SMOC2: variants seen among roughly 807,000 people sequenced by gnomAD.
The protein encoded by SMOC2 is SPARC-related modular calcium-binding protein 2.
A neutral mutation model predicts 61.4 loss-of-function variants in SMOC2; 39 were observed. The ratio of observed to expected loss-of-function variants is 0.64; its 90% CI spans 0.49 to 0.83. The LOEUF (loss-of-function observed/expected upper bound fraction) is 0.83. Ranked by LOEUF, SMOC2 falls within the 40% of genes least tolerant of loss-of-function variation. The pLI, the probability that SMOC2 is intolerant of heterozygous loss-of-function variation, is 0.00. For synonymous variants in SMOC2, 247 were observed against 239.9 expected (o/e 1.03, Z -0.27); for missense variants, 556 against 592.9 (o/e 0.94, Z 0.65).
intron 1 of SMOC2, among the ~76,000 whole-genome samples, chr6:168,503,387 G>T (rs567313093): frequency 8.5e-5 from 13 of 152,194 alleles, no homozygotes; most frequent in Non-Finnish European, 1.6e-4. Context: ...CACCTTGCTT[G>T]TTTTCTAAAT....
In SMOC2 at chr6:168,592,287, GTGGAGCTCCTCCTCCTCCCTGAGGCCTCA is replaced by G. The variant is rs879256777; in HGVS notation, c.638-6530_638-6502del. On this transcript the variant is annotated intron_variant, in intron 7 of 12. Coordinates refer to ENST00000356284, the MANE Select transcript of SMOC2 (RefSeq NM_001166412.2). The stretch of plus-strand genomic sequence containing the variant: ...CTCACGGGCATCTTTCTAGAGGATC[GTGGAGCTCCTCCTCCTCCCTGAGGCCTCA>G]CGGGCGTCTTTCTAGAGGATCTCCG... Among the ~76,000 whole-genome samples, 103 of 140,694 alleles carry G rather than the reference GTGGAGCTCCTCCTCCTCCCTGAGGCCTCA, an allele frequency of 7.3e-4. 19 individuals carry two copies. The highest frequency in any genetic ancestry group is 1.4e-3 in the South Asian group (6 of 4,304). 92.3% of individuals were successfully genotyped at this position (140,694 alleles called of 152,430 possible). A position where few individuals can be genotyped will look rare whatever the true frequency, so the allele number is the denominator to read the frequency against.
intron 9 of SMOC2, among the ~76,000 whole-genome samples, chr6:168,649,716 C>T (rs576019194): frequency 6.6e-6 from 1 of 152,162 alleles, no homozygotes; most frequent in African/African-American, 2.4e-5. Flanking sequence ...GGTGGGGCTC[C>T]TACCTCTTGC....
intron 9 of SMOC2, among the ~76,000 whole-genome samples, chr6:168,609,230 G>A (rs554241034): frequency 5.9e-5 from 9 of 152,304 alleles, no homozygotes; most frequent in East Asian, 3.9e-4. Flanking sequence ...GGTAAACACC[G>A]TGCAGCTCAC....
intron 8 of SMOC2, among the ~76,000 whole-genome samples, chr6:168,599,987 ACT>A (rs1785496808): frequency 6.7e-6 from 1 of 149,956 alleles, no homozygotes; most frequent in African/African-American, 2.5e-5. Flanking sequence ...CCACACACAC[ACT>A]CACACACAGT....
intron 2 of SMOC2, among the ~76,000 whole-genome samples, chr6:168,511,291 A>G (rs891229502): frequency 6.6e-6 from 1 of 152,226 alleles, no homozygotes; most frequent in African/African-American, 2.4e-5. Context: ...ATTGACTCAT[A>G]GTTCTGCACA....
chr6:168,455,678 A>G (rs1002011080), intron 1 of SMOC2, among the ~76,000 whole-genome samples: 6 of 152,222 alleles, frequency 3.9e-5, no homozygotes, highest in Non-Finnish European at 8.8e-5. Context: ...TGTCACTCAA[A>G]ATTACTGATG....
chr6:168,477,418 T>C (rs1477461619), intron 1 of SMOC2, among the ~76,000 whole-genome samples: 2 of 152,218 alleles, frequency 1.3e-5, no homozygotes, highest in Non-Finnish European at 2.9e-5. Context: ...AGTCATTACA[T>C]GTGTGTTTAA....
At chr6:168,557,570 G>T (rs1031921333) in intron 7 of SMOC2, among the ~76,000 whole-genome samples, 1 of 151,956 alleles carries the variant, frequency 6.6e-6, no homozygotes. Context: ...TGAAAGAAGG[G>T]GTATTTGCCT....
intron 1 of SMOC2, among the ~76,000 whole-genome samples, chr6:168,504,793 C>T (rs2763229): frequency 0.31 from 47,408 of 152,040 alleles, 8,094 homozygotes; most frequent in Non-Finnish European, 0.4. Context: ...TCCCATCCTC[C>T]TGGAGGCTGG....
chr6:168,615,860 T>A (rs1190178811), intron 9 of SMOC2, among the ~76,000 whole-genome samples: 5 of 151,818 alleles, frequency 3.3e-5, no homozygotes, highest in Admixed American at 3.3e-4. Context: ...AACACCTGGA[T>A]TTTTCAGACA....
At chr6:168,477,631 G>A (rs1258614934) in intron 1 of SMOC2, among the ~76,000 whole-genome samples, 1 of 152,156 alleles carries the variant, frequency 6.6e-6, no homozygotes, top group Non-Finnish European at 1.5e-5. Context: ...ATGAAGCAGG[G>A]TTGTTTCTTA....
chr6:168,569,772 T>C (rs1784623571), intron 7 of SMOC2, among the ~76,000 whole-genome samples: 1 of 152,196 alleles, frequency 6.6e-6, no homozygotes, highest in Admixed American at 6.5e-5. Context: ...CAGATGTGTG[T>C]TCTGTAAATA....
chr6:168,657,554 C>G (rs1787358440), intron 11 of SMOC2, among the ~76,000 whole-genome samples: 1 of 152,234 alleles, frequency 6.6e-6, no homozygotes, highest in African/African-American at 2.4e-5. Context: ...CTGAGCACTT[C>G]TCTCTTACTG....
At chr6:168,614,516 G>GA (rs1785999261) in intron 9 of SMOC2, among the ~76,000 whole-genome samples, 1 of 62,310 alleles carries the variant, frequency 1.6e-5, no homozygotes, top group African/African-American at 7.3e-5. Flanking sequence ...GCCAGCACAG[G>GA]GCCTCTTCAC....
chr6:168,544,042 A>G lies in SMOC2; in HGVS notation c.511+370A>G, dbSNP rs1317791914. Reference sequence around the variant, plus strand: ...TGAGGACCCTGATAAAGATGCCTCAACTCCTCCCTACAAGGAGGAAGAGGA... The same window carrying G: ...TGAGGACCCTGATAAAGATGCCTCAGCTCCTCCCTACAAGGAGGAAGAGGA... On this transcript the variant is annotated intron_variant, in intron 5 of 12. Transcript: ENST00000356284. The surrounding 1 kb of genome is among the most constrained non-coding windows in gnomAD (Gnocchi z 4.1). 1.3e-5 allele frequency among the ~76,000 whole-genome samples: 2 copies of G among 151,034 alleles called. No homozygotes were observed. The highest frequency in any genetic ancestry group is 3.0e-5 in the Non-Finnish European group (2 of 67,728).
chr6:168,634,529 C>T lies in SMOC2; in HGVS notation c.908-16152C>T, dbSNP rs185778082. On this transcript the variant is annotated intron_variant, in intron 9 of 12. Coordinates refer to ENST00000356284, the MANE Select transcript of SMOC2 (RefSeq NM_001166412.2). The stretch of plus-strand genomic sequence containing the variant: ...TCTGAAATGAACACCGCAAACAACC[C>T]TCACTGAAGAGAACGTTGTTTCAGA... Among the ~76,000 whole-genome samples the T allele has an allele frequency of 1.0e-3, 155 of 152,294 alleles. 1 individual carries two copies. Among genetic ancestry groups the T allele is most frequent in the African/African-American group, 3.5e-3 (146 of 41,556 alleles).
At chr6:168,514,148 G>A (rs1317181576) in intron 2 of SMOC2, among the ~76,000 whole-genome samples, 2 of 152,138 alleles carry the variant, frequency 1.3e-5, no homozygotes, top group African/African-American at 4.8e-5. Context: ...CTGCCCCAAC[G>A]CTGCAAATTT....
At chr6:168,449,558 G>T (rs1378407133) in intron 1 of SMOC2, among the ~76,000 whole-genome samples, 3 of 152,152 alleles carry the variant, frequency 2.0e-5, no homozygotes, top group Admixed American at 1.3e-4. Flanking sequence ...TGGGATGTGG[G>T]TCTATGTAAT....
At chr6:168,623,988 A>T (rs1161202286) in intron 9 of SMOC2, among the ~76,000 whole-genome samples, 3 of 152,192 alleles carry the variant, frequency 2.0e-5, no homozygotes, top group African/African-American at 7.2e-5. Flanking sequence ...ATCGCCGCAG[A>T]GGAGGCTCCT....
Sources: gnomAD v4.1 joint callset for allele counts (sites outside exome capture counted in the v4.1 genomes callset) on GRCh38, gnomAD v4.1.1 for gene constraint, Gnocchi (gnomAD v3.1) non-coding constraint, MANE v1.5 for transcripts, NCBI Gene and HGNC (gene_info 2026-07-23, HGNC 2026-07-21) for gene names.